Variants in ATG2B observed in about 807,000 individuals in gnomAD.
ATG2B encodes autophagy related 2B.
In ATG2B, 121 loss-of-function variants were observed where a neutral mutation model predicts 241.3. The observed-to-expected ratio is 0.50, with a 90% CI of 0.43 to 0.58. The LOEUF is 0.58. Ranked by LOEUF, ATG2B falls within the 20% of genes least tolerant of loss-of-function variation. The pLI is 0.00. For missense variants in ATG2B, 2,306 were observed against 2,491.6 expected (o/e 0.93, Z 1.59); for synonymous variants, 858 against 876.6 (o/e 0.98, Z 0.37).
At chr14:96,306,664 A>T (rs1272790514) in intron 30 of ATG2B, 50 bp downstream of exon 30, 2 of 1,504,304 alleles carry the variant, frequency 1.3e-6, no homozygotes, top group Admixed American at 3.8e-5. Context: ...CCTTTGGTCA[A>T]TTCATTTGTA....
intron 1 of ATG2B, among the ~76,000 whole-genome samples, chr14:96,352,286 T>C (rs564687541): frequency 6.6e-6 from 1 of 152,340 alleles, no homozygotes; most frequent in East Asian, 1.9e-4. Flanking sequence ...CAGTACATAA[T>C]ACTCGAGGGT....
chr14:96,330,301 C>T (rs1887699406), intron 11 of ATG2B, among the ~76,000 whole-genome samples: 1 of 152,146 alleles, frequency 6.6e-6, no homozygotes, highest in Admixed American at 6.5e-5. Flanking sequence ...TGTAAAACTA[C>T]TTTTCATATC....
intron 15 of ATG2B, chr14:96,324,213 A>C: frequency 1.9e-6 from 1 of 519,998 alleles, no homozygotes; most frequent in East Asian, 3.5e-5. Context: ...CTTAAGTACC[A>C]AGGTACACTG....
At chr14:96,305,473 T>TA in intron 31 of ATG2B, 116 bp downstream of exon 31, 1 of 649,114 alleles carries the variant, frequency 1.5e-6, no homozygotes, top group Non-Finnish European at 2.5e-6. Context: ...TAATAATTCT[T>TA]AAAATGATAA....
intron 1 of ATG2B, among the ~76,000 whole-genome samples, chr14:96,357,301 T>C (rs898141409): frequency 2.0e-5 from 3 of 152,206 alleles, no homozygotes; most frequent in African/African-American, 7.2e-5. Context: ...AAGTTTCATC[T>C]TCGGCCTTTT....
At chr14:96,326,543 A>G (rs565843529) in intron 14 of ATG2B, among the ~76,000 whole-genome samples, 99 of 152,326 alleles carry the variant, frequency 6.5e-4, no homozygotes, top group African/African-American at 2.4e-3. Context: ...ACCCAAAGCC[A>G]TCTTACAATA....
Position 96,325,840 on chromosome 14 carries a change from G to C in ATG2B, c.2246C>G (p.Ala749Gly). The change falls in exon 15 of 42, where the codon GCA becomes GGA. Residue 749 changes from alanine to glycine, a missense_variant. Ala to Gly is a moderately conservative substitution (Grantham distance 60). This residue lies in a region of ATG2B where 1,927 missense variants were observed against 2,011.2 expected (regional missense o/e 0.96). Coordinates refer to ENST00000359933, the MANE Select transcript of ATG2B (RefSeq NM_018036.7). ...CRISVQVATP[A>G]LNLSVRFPIP... The stretch of plus-strand genomic sequence containing the variant: ...TGGGAAGCGAACAGAAAGGTTTAAT[G>C]CTGGTGTGGCAACTTGTACTGATAT... The C allele has an allele frequency of 6.2e-7, 1 of 1,614,046 alleles. No individual in the cohort carries two copies.
At chr14:96,292,202 A>T in intron 36 of ATG2B, 104 bp from the exon 37 acceptor site, 2 of 614,364 alleles carry the variant, frequency 3.3e-6, no homozygotes, top group Non-Finnish European at 5.6e-6. Flanking sequence ...CAAAACCACA[A>T]AATAAATCAT....
At chr14:96,356,723 G>T (rs1003274358) in intron 1 of ATG2B, among the ~76,000 whole-genome samples, 4 of 152,006 alleles carry the variant, frequency 2.6e-5, no homozygotes, top group African/African-American at 9.7e-5. Context: ...GTGCTGTTAT[G>T]TCTGAGAAGC....
intron 6 of ATG2B, among the ~76,000 whole-genome samples, chr14:96,340,127 A>ATATCATATATGATATATATGAATATATG (rs1346873923): frequency 4.2e-5 from 1 of 24,006 alleles, no homozygotes; most frequent in East Asian, 4.7e-4. Flanking sequence ...ATGAATATAT[A>ATATCATATATGATATATATGAATATATG]TATCATATAT....
rs754631272 is a variant in ATG2B at position 96,341,600 on chromosome 14, TG to T, written c.845del (p.Pro282GlnfsTer7). 5 of 1,607,364 alleles carry T rather than the reference TG, an allele frequency of 3.1e-6. No homozygotes were observed. The highest frequency in any genetic ancestry group is 2.6e-6 in the Non-Finnish European group (3 of 1,175,860). ...TACCAATTAACCGTCCAATCTGCAC[TG>T]GGTCAGAAGGTGCTATCTCTGGTAA... ...RNLPEIAPSD[P>X]VQIGRLIGRL... On this transcript the variant is annotated frameshift_variant, in exon 6 of 42. Transcript: ENST00000359933. LOFTEE classifies it high-confidence loss of function.
chr14:96,346,587 C>T (rs993718763), intron 2 of ATG2B, among the ~76,000 whole-genome samples: 1 of 152,092 alleles, frequency 6.6e-6, no homozygotes, highest in Non-Finnish European at 1.5e-5. Context: ...TCATTGCATA[C>T]CAACATACCT....
At chr14:96,306,598 A>C (rs1326348594) in intron 30 of ATG2B, 116 bp downstream of exon 30, 1 of 834,592 alleles carries the variant, frequency 1.2e-6, no homozygotes, top group African/African-American at 1.7e-5. Flanking sequence ...TAAAAAAAAA[A>C]AAGTAACTCT....
chr14:96,335,610 G>C (rs1436938111), intron 6 of ATG2B, among the ~76,000 whole-genome samples: 1 of 152,116 alleles, frequency 6.6e-6, no homozygotes, highest in Non-Finnish European at 1.5e-5. Context: ...TTTTCACCTA[G>C]GCTGACCTGG....
chr14:96,323,088 T>C (rs1025227474), intron 16 of ATG2B, among the ~76,000 whole-genome samples: 1 of 152,192 alleles, frequency 6.6e-6, no homozygotes, highest in Non-Finnish European at 1.5e-5. Flanking sequence ...CTATAATAAA[T>C]TACTTGTCTA....
In ATG2B at chr14:96,343,273, T is replaced by C; in HGVS notation, c.590A>G (p.Tyr197Cys). ...ALEIRIERTV[Y>C]CDETADESSG... Reference sequence around the variant, plus strand: ...GGATTCGTCAGCAGTTTCATCACAGTACACAGTTCTGAAATTTTTTTAAAA... The same window carrying C: ...GGATTCGTCAGCAGTTTCATCACAGCACACAGTTCTGAAATTTTTTTAAAA... The change falls in exon 5 of 42, where the codon TAC (tyrosine) becomes TGC (cysteine). Residue 197 changes from tyrosine to cysteine, a missense_variant. Tyr to Cys is a radical substitution (Grantham distance 194). Around this residue, in one of 2 missense-constraint regions of ATG2B, gnomAD observed 1,927 missense variants for 2,011.2 expected, o/e 0.96. Transcript: ENST00000359933. 6.3e-7 allele frequency: 1 copy of C among 1,576,150 alleles called. No individual in the cohort carries two copies. The highest frequency in any genetic ancestry group is 8.6e-7 in the Non-Finnish European group (1 of 1,164,290).
At chr14:96,343,311 A>G in intron 4 of ATG2B, 30 bp from the exon 5 acceptor site, 1 of 1,534,700 alleles carries the variant, frequency 6.5e-7, no homozygotes, top group Non-Finnish European at 8.8e-7. Flanking sequence ...CATTTACAAA[A>G]AGCTCCTAGG....
chr14:96,306,454 A>C (rs548655873), intron 30 of ATG2B, among the ~76,000 whole-genome samples: 1 of 152,338 alleles, frequency 6.6e-6, no homozygotes, highest in African/African-American at 2.4e-5. Context: ...ATCCTTGAAT[A>C]GTCATCTTAC....
At chr14:96,312,209 TCATACCC>T in intron 25 of ATG2B, 50 bp from the exon 26 acceptor site, 2 of 1,294,962 alleles carry the variant, frequency 1.5e-6, no homozygotes, top group Non-Finnish European at 2.2e-6. Flanking sequence ...GCTTTGAGTA[TCATACCC>T]CATAATCACT....
Sources: allele counts gnomAD v4.1 joint callset (sites outside exome capture counted in the v4.1 genomes callset), GRCh38; gene constraint gnomAD v4.1.1; regional missense constraint gnomAD v4.1.1; transcripts MANE v1.5; gene names NCBI Gene and HGNC (gene_info 2026-07-23, HGNC 2026-07-21).